The following PPARG variants were observed in gnomAD, a reference collection of about 807,000 sequenced individuals.
The protein encoded by PPARG is peroxisome proliferator activated receptor gamma.
A neutral mutation model predicts 39.2 loss-of-function variants in PPARG; 17 were observed. The ratio of observed to expected loss-of-function variants is 0.43; its 90% CI spans 0.30 to 0.65. The LOEUF (loss-of-function observed/expected upper bound fraction) is 0.65, where lower values mean the gene tolerates loss of function less well. Among genes scored for constraint, PPARG ranks in the 30% least tolerant of loss-of-function variants. The pLI is 0.13. For missense variants in PPARG, 406 were observed against 585.9 expected (o/e 0.69, Z 3.17); for synonymous variants, 223 against 215.7 (o/e 1.03, Z -0.30).
chr3:12,329,355 A>C, intron 2 of PPARG, among the ~76,000 whole-genome samples: 1 of 152,160 alleles, frequency 6.6e-6, no homozygotes, highest in Admixed American at 6.5e-5. Flanking sequence ...ATTCATGACT[A>C]AGGAGGATTA....
intron 1 of PPARG, among the ~76,000 whole-genome samples, chr3:12,307,586 G>T (rs571001942): frequency 2.0e-5 from 3 of 152,220 alleles, no homozygotes; most frequent in African/African-American, 7.2e-5. Context: ...ATGAGAGGAA[G>T]AGAGAGAGAT....
chr3:12,396,121 TTTA>T (rs2050248145), intron 5 of PPARG, among the ~76,000 whole-genome samples: 1 of 152,156 alleles, frequency 6.6e-6, no homozygotes, highest in South Asian at 2.1e-4. Flanking sequence ...TTCTTTATTT[TTTA>T]TTATTATTTT....
intron 2 of PPARG, among the ~76,000 whole-genome samples, chr3:12,341,833 T>C (rs886553428): frequency 1.9e-4 from 29 of 152,050 alleles, no homozygotes; most frequent in Admixed American, 1.3e-4. Context: ...AATTTCCTAC[T>C]AATAAATGTG....
intron 2 of PPARG, among the ~76,000 whole-genome samples, chr3:12,327,409 A>T (rs184951073): frequency 2.1e-4 from 32 of 152,364 alleles, no homozygotes; most frequent in Non-Finnish European, 3.2e-4. Flanking sequence ...TAAGAAGTCC[A>T]GTAAAGAGAA....
intron 7 of PPARG, among the ~76,000 whole-genome samples, chr3:12,425,100 C>G (rs1038499647): frequency 7.2e-5 from 11 of 152,074 alleles, no homozygotes; most frequent in Non-Finnish European, 1.5e-4. Context: ...TCAACTATCG[C>G]TTTAAGGGGA....
chr3:12,323,062 T>G (rs1001124683), intron 2 of PPARG, among the ~76,000 whole-genome samples: 1 of 152,084 alleles, frequency 6.6e-6, no homozygotes, highest in African/African-American at 2.4e-5. Flanking sequence ...CACCTCAGCC[T>G]CCCAAAGTGT....
intron 2 of PPARG, among the ~76,000 whole-genome samples, chr3:12,360,678 A>G (rs1223035093): frequency 6.6e-6 from 1 of 151,342 alleles, no homozygotes; most frequent in African/African-American, 2.4e-5. Flanking sequence ...TTTTATATAA[A>G]TAAAATTACA....
At chr3:12,433,803 G>A (rs1458110670) in intron 7 of PPARG, 95 bp from the exon 8 acceptor site, 3 of 1,559,734 alleles carry the variant, frequency 1.9e-6, no homozygotes, top group African/African-American at 2.7e-5. Flanking sequence ...AAATACAGAT[G>A]AGTTGCTTGG....
chr3:12,425,206 C>T (rs1009099601), intron 7 of PPARG, among the ~76,000 whole-genome samples: 2 of 152,152 alleles, frequency 1.3e-5, no homozygotes, highest in East Asian at 1.9e-4. Flanking sequence ...CTGTGGCCCC[C>T]GAAGGAGACG....
At chr3:12,365,290 A>C (rs1458606408) in intron 2 of PPARG, among the ~76,000 whole-genome samples, 2 of 152,210 alleles carry the variant, frequency 1.3e-5, no homozygotes, top group East Asian at 1.9e-4. Context: ...CTGCTTTATC[A>C]GATGTGTTTT....
chr3:12,324,442 T>TA (rs1482483446), intron 2 of PPARG, among the ~76,000 whole-genome samples: 1 of 152,100 alleles, frequency 6.6e-6, no homozygotes, highest in East Asian at 1.9e-4. Flanking sequence ...AAGCACTAGT[T>TA]ACAACTATAC....
chr3:12,312,784 TAATTA>T (rs1218652487), intron 2 of PPARG, among the ~76,000 whole-genome samples: 1 of 152,236 alleles, frequency 6.6e-6, no homozygotes, highest in African/African-American at 2.4e-5. Flanking sequence ...ATGATACTTT[TAATTA>T]AATTGAGATA....
At chr3:12,370,405 G>A (rs762180371) in intron 2 of PPARG, among the ~76,000 whole-genome samples, 20 of 151,404 alleles carry the variant, frequency 1.3e-4, no homozygotes, top group Non-Finnish European at 2.8e-4. Flanking sequence ...CTTGGGTTTT[G>A]TTACTGTTTT....
intron 7 of PPARG, among the ~76,000 whole-genome samples, chr3:12,417,831 C>T (rs1428207657): frequency 2.7e-5 from 4 of 145,532 alleles, no homozygotes; most frequent in Non-Finnish European, 6.0e-5. Context: ...CATGATCTGA[C>T]TAACCAATTC....
At chr3:12,377,188 T>C (rs2049445455) in intron 2 of PPARG, among the ~76,000 whole-genome samples, 1 of 152,222 alleles carries the variant, frequency 6.6e-6, no homozygotes, top group Non-Finnish European at 1.5e-5. Context: ...GCATGTGGCA[T>C]ACATGATATT....
chr3:12,429,145 C>T (rs1396461576), intron 7 of PPARG, among the ~76,000 whole-genome samples: 1 of 152,128 alleles, frequency 6.6e-6, no homozygotes. Context: ...CTTGTCATTG[C>T]AGAAAATATA....
At chr3:12,393,496 GA>G (rs991088358) in intron 5 of PPARG, among the ~76,000 whole-genome samples, 1 of 151,990 alleles carries the variant, frequency 6.6e-6, no homozygotes, top group Non-Finnish European at 1.5e-5. Context: ...AAACGTGTTT[GA>G]AAAAATAATT....
chr3:12,430,383 G>C (rs1282100561), intron 7 of PPARG, among the ~76,000 whole-genome samples: 1 of 152,176 alleles, frequency 6.6e-6, no homozygotes, highest in South Asian at 2.1e-4. Flanking sequence ...GGTCTAACGG[G>C]GGAGAAACAA....
intron 7 of PPARG, among the ~76,000 whole-genome samples, chr3:12,430,460 T>G (rs1293754849): frequency 2.0e-5 from 3 of 152,248 alleles, no homozygotes; most frequent in Non-Finnish European, 4.4e-5. Context: ...CAGACAGACT[T>G]AGATCCAAAT....
Sources: allele counts gnomAD v4.1 joint callset (sites outside exome capture counted in the v4.1 genomes callset), GRCh38; gene constraint gnomAD v4.1.1; transcripts MANE v1.5; gene names NCBI Gene and HGNC (gene_info 2026-07-23, HGNC 2026-07-21).